Variants in PHTF1 observed in about 807,000 individuals in gnomAD.
PHTF1 encodes putative homeodomain transcription factor 1.
PHTF1 carries 88 observed loss-of-function variants against 102.4 expected under a neutral mutation model. That is an observed-to-expected ratio of 0.86 (90% CI 0.72 to 1.03). The LOEUF (loss-of-function observed/expected upper bound fraction) is 1.03. PHTF1 is among the 50% of genes least tolerant of loss of function. PHTF1 has a pLI of 0.00. For synonymous variants in PHTF1, 289 were observed against 305.2 expected, an observed-to-expected ratio of 0.95 and a Z score of 0.55; for missense variants, 814 against 909.5, an observed-to-expected ratio of 0.89 and a Z score of 1.35.
At chr1:113,721,743 G>A (rs147379506) in intron 7 of PHTF1, among the ~76,000 whole-genome samples, 5 of 152,094 alleles carry the variant, frequency 3.3e-5, no homozygotes, top group African/African-American at 4.8e-5. Flanking sequence ...AGGCTGGAGT[G>A]CAGTGGTGTG....
chr1:113,732,589 A>G (rs921337199), intron 5 of PHTF1, among the ~76,000 whole-genome samples: 1 of 152,226 alleles, frequency 6.6e-6, no homozygotes, highest in Non-Finnish European at 1.5e-5. Flanking sequence ...GAGAATAACC[A>G]GAAATTAATG....
intron 7 of PHTF1, among the ~76,000 whole-genome samples, chr1:113,723,717 A>C (rs1653365257): frequency 6.6e-6 from 1 of 152,234 alleles, no homozygotes; most frequent in South Asian, 2.1e-4. Context: ...TGGTCTGGGC[A>C]AAGATTTCTT....
intron 3 of PHTF1, among the ~76,000 whole-genome samples, chr1:113,751,671 T>C (rs1198031374): frequency 6.6e-6 from 1 of 152,240 alleles, no homozygotes; most frequent in African/African-American, 2.4e-5. Flanking sequence ...AACATTTGCA[T>C]GTATTTATGT....
chr1:113,711,175 G>A (rs1039765474), intron 10 of PHTF1, among the ~76,000 whole-genome samples: 2 of 152,138 alleles, frequency 1.3e-5, no homozygotes, highest in Middle Eastern at 3.4e-3. Context: ...AGACCTACTC[G>A]TGAACAGGAT....
chr1:113,748,732 C>T (rs963161731), intron 3 of PHTF1, among the ~76,000 whole-genome samples: 95 of 152,144 alleles, frequency 6.2e-4, no homozygotes, highest in African/African-American at 2.2e-3. Context: ...GACAGGGTAT[C>T]ACCATGTTGC....
At chr1:113,754,881 C>T (rs916016321) in intron 3 of PHTF1, among the ~76,000 whole-genome samples, 1 of 152,044 alleles carries the variant, frequency 6.6e-6, no homozygotes, top group Non-Finnish European at 1.5e-5. Context: ...ATCTATGTAC[C>T]TTATTCTCCA....
chr1:113,733,908 T>C (rs1319720817), intron 5 of PHTF1, among the ~76,000 whole-genome samples: 1 of 152,104 alleles, frequency 6.6e-6, no homozygotes, highest in Non-Finnish European at 1.5e-5. Context: ...AAGTACATAG[T>C]AGAAAAAGCC....
intron 3 of PHTF1, among the ~76,000 whole-genome samples, chr1:113,741,098 T>TATTC (rs1420423549): frequency 6.6e-6 from 1 of 152,248 alleles, no homozygotes; most frequent in Admixed American, 6.5e-5. Flanking sequence ...AAAAATTAGA[T>TATTC]ATTCAATCAC....
Position 113,759,252 on chromosome 1 carries a change from G to C in PHTF1, c.-260C>G, listed in dbSNP as rs1194640008. On this transcript the variant is annotated 5_prime_UTR_variant, in exon 1 of 19. Coordinates refer to ENST00000369604, the MANE Select transcript of PHTF1 (RefSeq NM_001323043.2). ...GCAAATCGATCGCCGGTCAGAGGCCGCCTACAGGGTCACGGACTGACCAGA... is the reference window on the plus strand; with the variant it reads ...GCAAATCGATCGCCGGTCAGAGGCCCCCTACAGGGTCACGGACTGACCAGA... The C allele has an allele frequency of 5.7e-6, 1 of 175,648 alleles. No homozygotes were observed. Among genetic ancestry groups the C allele is most frequent in the Non-Finnish European group, 1.1e-5 (1 of 89,246 alleles). 10.9% of individuals were successfully genotyped at this position (175,648 alleles called of 1,614,324 possible). A position where few individuals can be genotyped will look rare whatever the true frequency, so the allele number is the denominator to read the frequency against.
At chr1:113,745,442 A>T (rs1251499747) in intron 3 of PHTF1, among the ~76,000 whole-genome samples, 2 of 152,066 alleles carry the variant, frequency 1.3e-5, no homozygotes, top group South Asian at 2.1e-4. Context: ...AGTGGACAAA[A>T]TTTTTCTATA....
At chr1:113,733,656 G>A (rs375849730) in intron 5 of PHTF1, among the ~76,000 whole-genome samples, 26 of 152,234 alleles carry the variant, frequency 1.7e-4, no homozygotes, top group African/African-American at 5.1e-4. Context: ...AGGACCCAGA[G>A]AGAAGCAGAC....
chr1:113,701,770 T>C (rs529392470), intron 15 of PHTF1, among the ~76,000 whole-genome samples: 2 of 97,446 alleles, frequency 2.1e-5, no homozygotes, highest in East Asian at 2.9e-4. Flanking sequence ...CAGAAAGCAA[T>C]AGAATCCTAA....
chr1:113,715,344 G>A (rs76475425), intron 7 of PHTF1: 1,585 of 152,230 alleles, frequency 0.01, 20 homozygotes, highest in Middle Eastern at 0.02. Context: ...TACAACCTTA[G>A]AGACAGAAAA....
At position 113,738,053 on chromosome 1, in the gene PHTF1, T is replaced by C. The variant is rs544866841; in HGVS notation, c.331+57A>G. ...GTAAAATCAGTAGGTCTTCATTATT[T>C]AATAGCAAAAGCAGCAAAAAGAAAC... On this transcript the variant is annotated intron_variant, in intron 5 of 18. Transcript: ENST00000369604. 141 of 1,256,934 alleles carry C rather than the reference T, an allele frequency of 1.1e-4. No homozygotes were observed. The African/African-American group carries it at 1.9e-3, about 17-fold the overall frequency. 77.9% of individuals were successfully genotyped at this position (1,256,934 alleles called of 1,614,324 possible). A position where few individuals can be genotyped will look rare whatever the true frequency, so the allele number is the denominator to read the frequency against.
At chr1:113,707,478 A>G (rs1250391055) in intron 11 of PHTF1, among the ~76,000 whole-genome samples, 1 of 152,218 alleles carries the variant, frequency 6.6e-6, no homozygotes, top group Non-Finnish European at 1.5e-5. Flanking sequence ...TACAGTCTGT[A>G]TCAGACAAAT....
In PHTF1 at chr1:113,738,740, G is replaced by A. The variant is rs771285307; in HGVS notation, c.162C>T (p.Asp54=). 6.3e-7 allele frequency: 1 copy of A among 1,594,338 alleles called. No homozygotes were observed. The highest frequency in any genetic ancestry group is 1.3e-5 in the African/African-American group (1 of 74,382). The stretch of plus-strand genomic sequence containing the variant: ...AATTTTAAGACTAACCTCTGATTAA[G>A]TCAACGTCAATCAAGTCTGGCTTTA... ...GHIKPDLIDV[D]LIRGSTFAKA... Residue 54 remains aspartate, a synonymous_variant, in exon 4 of 19, where the codon GAC becomes GAT. Coordinates refer to ENST00000369604, the MANE Select transcript of PHTF1 (RefSeq NM_001323043.2).
rs757559215 is a variant in PHTF1, at chr1:113,726,419, T to A, written c.487A>T (p.Arg163Ter). The A allele has an allele frequency of 4.4e-6, 7 of 1,602,328 alleles. No homozygotes were observed. Among genetic ancestry groups the A allele is most frequent in the Non-Finnish European group, 5.1e-6 (6 of 1,172,444 alleles). Residue 163 changes from arginine (R) to a stop codon, truncating the protein, a stop_gained and splice_region_variant, in exon 6 of 19, where the codon AGA becomes TGA. Transcript: ENST00000369604. LOFTEE classifies it high-confidence loss of function. ...CTACAGTGTAATTTCTCATCTTACC[T>A]TCTTCTTCGATTTCCATTGTTTCCT... ...PSGNNGNRRR[R>*]KLRKTVNGDG... is the part of the protein sequence containing the mutation.
At chr1:113,757,966 C>T (rs1241844424) in intron 2 of PHTF1, among the ~76,000 whole-genome samples, 2 of 152,110 alleles carry the variant, frequency 1.3e-5, no homozygotes, top group Non-Finnish European at 2.9e-5. Context: ...AAAAGCAATG[C>T]CCAAAATATT....
intron 14 of PHTF1, 87 bp from the exon 15 acceptor site, chr1:113,704,254 A>G: frequency 1.5e-6 from 1 of 675,028 alleles, no homozygotes; most frequent in African/African-American, 1.8e-5. Context: ...ATTGTACTAC[A>G]TTCGTGTGAA....
Sources: gnomAD v4.1 joint callset for allele counts (sites outside exome capture counted in the v4.1 genomes callset) on GRCh38, gnomAD v4.1.1 for gene constraint, MANE v1.5 for transcripts, NCBI Gene and HGNC (gene_info 2026-07-23, HGNC 2026-07-21) for gene names.